The following SH2D4B variants were observed in gnomAD, a reference collection of about 807,000 sequenced individuals.
SH2D4B encodes the protein SH2 domain-containing protein 4B.
In SH2D4B, 45 loss-of-function variants were observed where a neutral mutation model predicts 61.5. The observed-to-expected ratio is 0.73, with a 90% CI of 0.58 to 0.94. The LOEUF (loss-of-function observed/expected upper bound fraction) is 0.94. SH2D4B is among the 40% of genes least tolerant of loss of function. SH2D4B has a pLI of 0.00. For synonymous variants in SH2D4B, 224 were observed against 220.4 expected (o/e 1.02, Z -0.14); for missense variants, 572 against 574.2 (o/e 1.00, Z 0.04).
intron 1 of SH2D4B, among the ~76,000 whole-genome samples, chr10:80,564,314 C>T (rs1232185904): frequency 6.6e-6 from 1 of 152,228 alleles, no homozygotes; most frequent in East Asian, 1.9e-4. Flanking sequence ...GGAAACCACT[C>T]ATGTCAAGAT....
intron 5 of SH2D4B, among the ~76,000 whole-genome samples, chr10:80,604,685 AT>A (rs1417478528): frequency 6.6e-6 from 1 of 151,636 alleles, no homozygotes; most frequent in African/African-American, 2.4e-5. Context: ...CAAGTATAAG[AT>A]TCCCAAACCA....
intron 4 of SH2D4B, among the ~76,000 whole-genome samples, chr10:80,589,663 A>G (rs1842303074): frequency 6.6e-6 from 1 of 152,228 alleles, no homozygotes; most frequent in African/African-American, 2.4e-5. Context: ...AGACAGATAT[A>G]TAGACTAAGG....
chr10:80,619,141 G>A (rs932877646), intron 6 of SH2D4B, among the ~76,000 whole-genome samples: 10 of 152,136 alleles, frequency 6.6e-5, no homozygotes, highest in African/African-American at 2.4e-4. Flanking sequence ...TGTGCTCAGG[G>A]TGTAGTAACA....
intron 1 of SH2D4B, among the ~76,000 whole-genome samples, chr10:80,562,028 TACACACACAC>T (rs150356380): frequency 7.5e-4 from 109 of 144,504 alleles, no homozygotes; most frequent in Admixed American, 5.6e-3. Flanking sequence ...CTCTTCCAAT[TACACACACAC>T]ACACACACAC....
chr10:80,605,362 T>C (rs1010603590), intron 5 of SH2D4B, among the ~76,000 whole-genome samples: 2 of 152,182 alleles, frequency 1.3e-5, no homozygotes, highest in African/African-American at 2.4e-5. Flanking sequence ...CTTTTCCTTA[T>C]TGAGTTCTAA....
At chr10:80,574,143 T>A (rs1842096002) in intron 3 of SH2D4B, among the ~76,000 whole-genome samples, 1 of 152,218 alleles carries the variant, frequency 6.6e-6, no homozygotes, top group Admixed American at 6.5e-5. Flanking sequence ...CATTTGTTTT[T>A]TCTTTTTATT....
chr10:80,621,358 A>G (rs1394239439), intron 6 of SH2D4B, among the ~76,000 whole-genome samples: 2 of 152,216 alleles, frequency 1.3e-5, no homozygotes, highest in East Asian at 3.8e-4. Flanking sequence ...AATTTTTTCT[A>G]GGAGGAAGTG....
chr10:80,552,596 C>T (rs531172568), intron 1 of SH2D4B, among the ~76,000 whole-genome samples: 3 of 152,294 alleles, frequency 2.0e-5, no homozygotes, highest in Non-Finnish European at 4.4e-5. Context: ...CTCCCTGTAA[C>T]CCAATCCCAG....
At chr10:80,617,762 C>G (rs1363560231) in intron 6 of SH2D4B, among the ~76,000 whole-genome samples, 1 of 152,238 alleles carries the variant, frequency 6.6e-6, no homozygotes, top group Non-Finnish European at 1.5e-5. Context: ...CTCTCTCCAT[C>G]TCTCAGCTCT....
In SH2D4B at chr10:80,587,129, CG is replaced by C. The variant is rs1842264090; in HGVS notation, c.496-1500del. On this transcript the variant is annotated intron_variant, in intron 3 of 7. Coordinates refer to ENST00000646907, the MANE Select transcript of SH2D4B (RefSeq NM_001388272.1). ...ACCAAGAACCCACCAATTCCGGCCACGTTTTTTTTTTTTTTTGTTTTGTTTT... is the reference window on the plus strand; with the variant it reads ...ACCAAGAACCCACCAATTCCGGCCACTTTTTTTTTTTTTTTGTTTTGTTTT... Among the ~76,000 whole-genome samples, 14 of 119,660 alleles carry C rather than the reference CG, an allele frequency of 1.2e-4. 1 individual carries two copies. The highest frequency in any genetic ancestry group is 4.6e-4 in the East Asian group (2 of 4,320). 78.5% of individuals were successfully genotyped at this position (119,660 alleles called of 152,430 possible). A position where few individuals can be genotyped will look rare whatever the true frequency, so the allele number is the denominator to read the frequency against.
chr10:80,640,111 T>A (rs1269010969), intron 7 of SH2D4B, among the ~76,000 whole-genome samples: 1 of 152,216 alleles, frequency 6.6e-6, no homozygotes, highest in Non-Finnish European at 1.5e-5. Flanking sequence ...TGTTGAATAT[T>A]GGCCCCCACT....
At position 80,545,709 on chromosome 10, in the gene SH2D4B, G is replaced by A. The variant is rs1449932027; in HGVS notation, c.184+7194G>A. ...CTGGGGCAGAGATGGGGTGTGCATG[G>A]GTGAGTAGCGGCTAAGGTGCTTAAA... On this transcript the variant is annotated intron_variant, in intron 1 of 7. Transcript: ENST00000646907. Among the ~76,000 whole-genome samples the A allele has an allele frequency of 2.6e-5, 4 of 152,114 alleles. No homozygotes were observed. The East Asian group carries it at 7.7e-4, about 29-fold the overall frequency.
intron 3 of SH2D4B, among the ~76,000 whole-genome samples, chr10:80,573,134 G>A (rs1842083470): frequency 1.4e-5 from 2 of 142,680 alleles, no homozygotes; most frequent in Non-Finnish European, 3.0e-5. Context: ...ACAGGCGCCC[G>A]CCACCGCGCC....
intron 6 of SH2D4B, among the ~76,000 whole-genome samples, chr10:80,624,439 C>T (rs988115812): frequency 3.3e-5 from 5 of 152,294 alleles, no homozygotes; most frequent in African/African-American, 1.2e-4. Context: ...ATCCTATAAT[C>T]CCCTCTAGAA....
intron 5 of SH2D4B, among the ~76,000 whole-genome samples, chr10:80,606,344 T>C (rs990345205): frequency 2.0e-5 from 3 of 151,968 alleles, no homozygotes; most frequent in Admixed American, 6.6e-5. Flanking sequence ...TTATTAGATT[T>C]AACTTTTCTA....
intron 7 of SH2D4B, among the ~76,000 whole-genome samples, chr10:80,638,742 T>C (rs1047800351): frequency 2.0e-5 from 3 of 152,240 alleles, no homozygotes; most frequent in African/African-American, 7.2e-5. Context: ...AACCAGCTCC[T>C]GGATTCATTG....
chr10:80,564,733 A>T (rs1564769398), intron 1 of SH2D4B, among the ~76,000 whole-genome samples: 2 of 152,224 alleles, frequency 1.3e-5, no homozygotes, highest in African/African-American at 4.8e-5. Context: ...AAGCATGTCA[A>T]ACAATTTGGC....
intron 6 of SH2D4B, among the ~76,000 whole-genome samples, chr10:80,632,527 C>T (rs959446754): frequency 6.6e-5 from 10 of 152,196 alleles, no homozygotes; most frequent in East Asian, 5.8e-4. Flanking sequence ...ACCCTAGCCC[C>T]GCTACCATAT....
chr10:80,543,314 G>A (rs893412737), intron 1 of SH2D4B, among the ~76,000 whole-genome samples: 3 of 152,178 alleles, frequency 2.0e-5, no homozygotes, highest in Admixed American at 1.3e-4. Flanking sequence ...TCCGGGGGGC[G>A]TGGGCTGGGC....
Sources: allele counts gnomAD v4.1 joint callset (sites outside exome capture counted in the v4.1 genomes callset), GRCh38; gene constraint gnomAD v4.1.1; transcripts MANE v1.5; gene names NCBI Gene and HGNC (gene_info 2026-07-23, HGNC 2026-07-21).